The following SRP72 variants were observed in gnomAD, a reference collection of about 807,000 sequenced individuals.
SRP72 encodes signal recognition particle subunit SRP72.
A neutral mutation model predicts 96.3 loss-of-function variants in SRP72; 49 were observed. That is an observed-to-expected ratio of 0.51 (90% confidence interval 0.40 to 0.65). The LOEUF (loss-of-function observed/expected upper bound fraction) is 0.65. Among genes scored for constraint, SRP72 ranks in the 30% least tolerant of loss-of-function variants. The pLI is 0.00. For missense variants in SRP72, 736 were observed against 793.3 expected (o/e 0.93, Z 0.87); for synonymous variants, 267 against 275.2 (o/e 0.97, Z 0.30).
chr4:56,498,553 G>T (rs1277430972), intron 17 of SRP72, among the ~76,000 whole-genome samples: 10 of 152,194 alleles, frequency 6.6e-5, no homozygotes, highest in Admixed American at 6.5e-4. Flanking sequence ...TCCTTAAGCT[G>T]ATAAGCAACT....
chr4:56,477,588 C>T (rs1033944513), intron 6 of SRP72, among the ~76,000 whole-genome samples: 1 of 152,098 alleles, frequency 6.6e-6, no homozygotes, highest in African/African-American at 2.4e-5. Context: ...CCACCATGCC[C>T]AGCCCATAGT....
In SRP72 at chr4:56,491,526, A is replaced by G. The variant is rs200396390; in HGVS notation, c.1598A>G (p.Lys533Arg). 1 of 1,613,900 alleles carries G rather than the reference A, an allele frequency of 6.2e-7. No homozygotes were observed. The highest frequency in any genetic ancestry group is 1.3e-5 in the African/African-American group (1 of 74,932). ...GCTGGTGCTACATACATTCGGAAGA[A>G]GGGTGGAAAAGTTACTGGAGATAGT... ...NSAGATYIRK[K>R]GGKVTGDSQP... Residue 533 changes from lysine (K) to arginine (R), a missense_variant, in exon 16 of 19, where the codon AAG becomes AGG. Around this residue, in one of 3 missense-constraint regions of SRP72, gnomAD observed 388 missense variants for 431.8 expected, o/e 0.90. Coordinates refer to ENST00000642900, the MANE Select transcript of SRP72 (RefSeq NM_006947.4).
chr4:56,499,350 A>C (rs572564370), intron 17 of SRP72, among the ~76,000 whole-genome samples: 34 of 152,306 alleles, frequency 2.2e-4, no homozygotes, highest in African/African-American at 7.7e-4. Context: ...CCCCAAAAGC[A>C]ATGGCAACAA....
At chr4:56,469,823 A>G (rs79286565) in intron 2 of SRP72, 50 bp downstream of exon 2, 3 of 1,473,068 alleles carry the variant, frequency 2.0e-6, no homozygotes, top group South Asian at 2.8e-5. Flanking sequence ...CACTTACTAT[A>G]GCTATAATCT....
chr4:56,468,420 C>T (rs1444648012), intron 1 of SRP72, among the ~76,000 whole-genome samples: 1 of 152,018 alleles, frequency 6.6e-6, no homozygotes, highest in Non-Finnish European at 1.5e-5. Flanking sequence ...TCGGTTTTTA[C>T]CGCCTTTGGT....
intron 17 of SRP72, among the ~76,000 whole-genome samples, chr4:56,499,706 C>T (rs1188191851): frequency 6.6e-6 from 1 of 152,054 alleles, no homozygotes; most frequent in Non-Finnish European, 1.5e-5. Flanking sequence ...ATTAAAAAGT[C>T]AGGAAACAAC....
intron 12 of SRP72, 40 bp from the exon 13 acceptor site, chr4:56,489,348 T>C (rs772584756): frequency 8.3e-7 from 1 of 1,206,754 alleles, no homozygotes; most frequent in Non-Finnish European, 1.2e-6. Context: ...ATTCTGGGAG[T>C]GAAGGGGGAG....
rs375540343 is a variant in SRP72 at position 56,498,592 on chromosome 4, T to C, written c.1679-1944T>C. ...GCAAAGTCTCAGGACACAAAATCAA[T>C]GTGCAAAAATCACAAGCTTTCCTGT... On this transcript the variant is annotated intron_variant, in intron 17 of 18. Transcript: ENST00000642900. Among the ~76,000 whole-genome samples the C allele has an allele frequency of 2.0e-5, 3 of 152,274 alleles. No individual in the cohort carries two copies. The East Asian group carries it at 5.8e-4, about 29-fold the overall frequency.
intron 1 of SRP72, 93 bp downstream of exon 1, chr4:56,467,837 G>A (rs1331941678): frequency 2.5e-6 from 3 of 1,211,184 alleles, no homozygotes; most frequent in East Asian, 3.2e-5. Flanking sequence ...CGGGAGGCAC[G>A]GGAAGGGGAG....
intron 5 of SRP72, 76 bp downstream of exon 5, chr4:56,474,467 G>T: frequency 8.1e-7 from 1 of 1,236,358 alleles, no homozygotes; most frequent in South Asian, 1.4e-5. Context: ...AATTGCATTT[G>T]ACTTCTGTGA....
intron 16 of SRP72, 145 bp downstream of exon 16, chr4:56,491,713 G>A (rs1314846980): frequency 8.0e-6 from 6 of 745,446 alleles, no homozygotes; most frequent in African/African-American, 1.8e-5. Context: ...CCAGCTCTTT[G>A]TCCTTATTTC....
intron 2 of SRP72, among the ~76,000 whole-genome samples, chr4:56,470,841 T>C (rs1719945116): frequency 6.6e-6 from 1 of 151,588 alleles, no homozygotes; most frequent in Non-Finnish European, 1.5e-5. Flanking sequence ...TTTTTTTTTT[T>C]TTTTTGGGAG....
At position 56,494,904 on chromosome 4, in the gene SRP72, C is replaced by CATAACCA. The variant is rs563848705; in HGVS notation, c.1641-451_1641-445dup. Among the ~76,000 whole-genome samples the CATAACCA allele has an allele frequency of 9.8e-5, 15 of 152,288 alleles. No homozygotes were observed. The South Asian group carries it at 2.9e-3, about 29-fold the overall frequency. On this transcript the variant is annotated intron_variant, in intron 16 of 18. Transcript: ENST00000642900. ...TGTCTACCCACCTCCCTCCCAGGGCCATAACCAACGTAACTTGTTTTGAAT... is the reference window on the plus strand; with the variant it reads ...TGTCTACCCACCTCCCTCCCAGGGCCATAACCAATAACCAACGTAACTTGTTTTGAAT...
At chr4:56,488,127 T>A in intron 12 of SRP72, 114 bp downstream of exon 12, 1 of 654,810 alleles carries the variant, frequency 1.5e-6, no homozygotes, top group Non-Finnish European at 2.5e-6. Flanking sequence ...GTAGGAGTAG[T>A]AATTATAATA....
Position 56,500,531 on chromosome 4 carries a change from T to C in SRP72, c.1679-5T>C, listed in dbSNP as rs758380842. ...ATCTCTCATTTCTTTATAATCGTTA[T>C]GCAGGAAAATTGCCTAAGAATTATG... On this transcript the variant is annotated splice_polypyrimidine_tract_variant and splice_region_variant and intron_variant, in intron 17 of 18. Transcript: ENST00000642900. 6 of 1,611,304 alleles carry C rather than the reference T, an allele frequency of 3.7e-6. No individual in the cohort carries two copies. The highest frequency in any genetic ancestry group is 1.1e-5 in the South Asian group (1 of 90,802).
At chr4:56,471,896 A>G in intron 3 of SRP72, 53 bp downstream of exon 3, 2 of 1,600,420 alleles carry the variant, frequency 1.2e-6, no homozygotes, top group Non-Finnish European at 1.7e-6. Flanking sequence ...GAGCATGACT[A>G]CCTCTAGCAA....
rs758293086 is a variant in SRP72, at chr4:56,474,309, T to C, written c.528T>C (p.His176=). ...ACCTGGGCCTCCAAGAAGGCACACATGAGCTGTGCTACAACACTGCATGTG... is the reference window on the plus strand; with the variant it reads ...ACCTGGGCCTCCAAGAAGGCACACACGAGCTGTGCTACAACACTGCATGTG... ...PENLGLQEGT[H]ELCYNTACAL... is the part of the protein sequence containing the mutation. Residue 176 remains histidine, a synonymous_variant, in exon 5 of 19, where the codon CAT becomes CAC. Coordinates refer to ENST00000642900, the MANE Select transcript of SRP72 (RefSeq NM_006947.4). 4 of 1,614,146 alleles carry C rather than the reference T, an allele frequency of 2.5e-6. No homozygotes were observed. The highest frequency in any genetic ancestry group is 2.2e-5 in the East Asian group (1 of 44,884).
chr4:56,491,671 T>C (rs1311426981), intron 16 of SRP72, 103 bp downstream of exon 16: 2 of 1,164,778 alleles, frequency 1.7e-6, no homozygotes, highest in Non-Finnish European at 2.4e-6. Flanking sequence ...GTTCTAGTTC[T>C]CTTTGTTCCT....
chr4:56,488,927 C>T (rs1247617660), intron 12 of SRP72: 3 of 152,792 alleles, frequency 2.0e-5, no homozygotes, highest in Non-Finnish European at 4.4e-5. Context: ...CCTCCCCCTC[C>T]ACTCCAGCTA....
Sources: gnomAD v4.1 joint callset for allele counts (sites outside exome capture counted in the v4.1 genomes callset) on GRCh38, gnomAD v4.1.1 for gene constraint, gnomAD v4.1.1 regional missense constraint, MANE v1.5 for transcripts, NCBI Gene and HGNC (gene_info 2026-07-23, HGNC 2026-07-21) for gene names.